The following TNIK variants were observed in gnomAD, a reference collection of about 807,000 sequenced individuals.
TNIK encodes the protein TRAF2 and NCK-interacting protein kinase.
TNIK carries 49 observed loss-of-function variants against 191.3 expected under a neutral mutation model. The ratio of observed to expected loss-of-function variants is 0.26; its 90% CI spans 0.20 to 0.32. The LOEUF is 0.32. Ranked by LOEUF, TNIK falls within the 10% of genes least tolerant of loss-of-function variation. The pLI is 1.00. For missense variants in TNIK, 1,155 were observed against 1,702.3 expected, an observed-to-expected ratio of 0.68 and a Z score of 5.66; for synonymous variants, 594 against 600.9, an observed-to-expected ratio of 0.99 and a Z score of 0.17.
intron 5 of TNIK, among the ~76,000 whole-genome samples, chr3:171,194,219 A>T (rs1341934194): frequency 6.6e-6 from 1 of 152,204 alleles, no homozygotes. Flanking sequence ...TATGATCTAA[A>T]ATCAGGTTTC....
intron 2 of TNIK, among the ~76,000 whole-genome samples, chr3:171,253,418 T>G (rs1746471905): frequency 6.6e-6 from 1 of 151,942 alleles, no homozygotes; most frequent in Admixed American, 6.6e-5. Flanking sequence ...ATTCTTTCAC[T>G]CTCACATATG....
At chr3:171,326,819 C>T (rs1415213588) in intron 2 of TNIK, among the ~76,000 whole-genome samples, 1 of 152,146 alleles carries the variant, frequency 6.6e-6, no homozygotes, top group African/African-American at 2.4e-5. Context: ...AGGATTTGTG[C>T]TACCATAGGA....
chr3:171,249,104 A>G (rs1336840524), intron 2 of TNIK, among the ~76,000 whole-genome samples: 2 of 152,232 alleles, frequency 1.3e-5, no homozygotes, highest in African/African-American at 4.8e-5. Flanking sequence ...GTATCTTTGC[A>G]TACTGTTTTC....
Position 171,418,760 on chromosome 3 carries a change from A to C in TNIK, c.57+41247T>G, listed in dbSNP as rs117662703. On this transcript the variant is annotated intron_variant, in intron 1 of 32. Transcript: ENST00000436636. ...TAAACAAGATTGGTATATCCATACA[A>C]TGGTATATTATTCAGCCATAAAAAA... is the stretch of plus-strand genomic sequence containing the variant. 3.7e-4 allele frequency among the ~76,000 whole-genome samples: 57 copies of C among 152,308 alleles called. No homozygotes were observed. In the East Asian group the frequency reaches 5.8e-3, roughly 15 times the overall value.
At chr3:171,106,564 G>A (rs1320931707) in intron 21 of TNIK, 2 of 442,578 alleles carry the variant, frequency 4.5e-6, no homozygotes, top group African/African-American at 4.1e-5. Context: ...ATTCATGCAG[G>A]TCTGACAAAT....
intron 1 of TNIK, among the ~76,000 whole-genome samples, chr3:171,459,696 A>ACACACACACACACACACACG (rs1231090310): frequency 6.6e-6 from 1 of 151,710 alleles, no homozygotes; most frequent in African/African-American, 2.4e-5. Flanking sequence ...ACACACACAC[A>ACACACACACACACACACACG]CACACACGCA....
chr3:171,152,252 G>A (rs1039573761), intron 12 of TNIK, among the ~76,000 whole-genome samples: 8 of 151,674 alleles, frequency 5.3e-5, no homozygotes, highest in Non-Finnish European at 8.8e-5. Context: ...CCTCCAACCT[G>A]GGTGACAGAG....
At chr3:171,269,225 G>C (rs1748788958) in intron 2 of TNIK, among the ~76,000 whole-genome samples, 1 of 150,172 alleles carries the variant, frequency 6.7e-6, no homozygotes, top group African/African-American at 2.5e-5. Context: ...AGAGTAGCTA[G>C]TATAATGCAG....
intron 1 of TNIK, among the ~76,000 whole-genome samples, chr3:171,381,799 T>C (rs938804675): frequency 1.3e-4 from 20 of 152,358 alleles, no homozygotes; most frequent in Middle Eastern, 3.4e-3. Context: ...AGGGTTCTTC[T>C]GTCTTCCTCC....
chr3:171,159,725 G>A lies in TNIK; in HGVS notation c.1016+1545C>T, dbSNP rs543262035. On this transcript the variant is annotated intron_variant, in intron 11 of 32. Coordinates refer to ENST00000436636, the MANE Select transcript of TNIK (RefSeq NM_015028.4). The surrounding 1 kb of genome is among the most constrained non-coding windows in gnomAD (Gnocchi z 4.1). ...TGTGTGACCTGGGTGCAACCCTTAG[G>A]CTGTCGCCTCATTTCTAAAATGAGA... Among the ~76,000 whole-genome samples the A allele has an allele frequency of 6.6e-6, 1 of 152,320 alleles. No homozygotes were observed. Among genetic ancestry groups the A allele is most frequent in the South Asian group, 2.1e-4 (1 of 4,826 alleles).
intron 1 of TNIK, among the ~76,000 whole-genome samples, chr3:171,394,981 G>A (rs890628736): frequency 1.3e-5 from 2 of 152,126 alleles, no homozygotes; most frequent in Non-Finnish European, 2.9e-5. Context: ...GCACATATTT[G>A]GTTTAATTTT....
At chr3:171,326,720 C>T (rs1436810401) in intron 2 of TNIK, among the ~76,000 whole-genome samples, 1 of 152,116 alleles carries the variant, frequency 6.6e-6, no homozygotes, top group Non-Finnish European at 1.5e-5. Flanking sequence ...GCAAATGCTT[C>T]TAGTCTGGAA....
intron 22 of TNIK, among the ~76,000 whole-genome samples, chr3:171,094,690 A>G (rs189483902): frequency 1.2e-4 from 18 of 151,910 alleles, no homozygotes; most frequent in Admixed American, 3.3e-4. Context: ...AGTTCTTTCC[A>G]CTCTGGCCTT....
intron 2 of TNIK, among the ~76,000 whole-genome samples, chr3:171,236,779 G>C (rs1422863039): frequency 6.6e-6 from 1 of 152,110 alleles, no homozygotes; most frequent in Non-Finnish European, 1.5e-5. Flanking sequence ...CCACCTCCTA[G>C]CTGCAGATAA....
chr3:171,103,651 C>T (rs965397493), intron 21 of TNIK, among the ~76,000 whole-genome samples: 7 of 152,080 alleles, frequency 4.6e-5, no homozygotes, highest in African/African-American at 1.7e-4. Context: ...TCAAAGAATA[C>T]AGCTAGCATT....
At chr3:171,154,303 T>C (rs565983310) in intron 12 of TNIK, among the ~76,000 whole-genome samples, 1 of 152,196 alleles carries the variant, frequency 6.6e-6, no homozygotes, top group South Asian at 2.1e-4. Context: ...AAAGTGTATA[T>C]TTTTTGGCCA....
chr3:171,422,268 A>G (rs1723907505), intron 1 of TNIK, among the ~76,000 whole-genome samples: 1 of 152,114 alleles, frequency 6.6e-6, no homozygotes, highest in Non-Finnish European at 1.5e-5. Context: ...AATGTTAAGT[A>G]AAATATAATA....
At chr3:171,237,183 C>T (rs144691283) in intron 2 of TNIK, among the ~76,000 whole-genome samples, 36 of 152,202 alleles carry the variant, frequency 2.4e-4, no homozygotes, top group East Asian at 1.9e-3. Flanking sequence ...TAACACAAAT[C>T]GGGACCCATT....
Position 171,327,900 on chromosome 3 carries a change from T to TAAAAA in TNIK, c.123+41715_123+41719dup, listed in dbSNP as rs71634497. Among the ~76,000 whole-genome samples, 223 of 79,598 alleles carry TAAAAA rather than the reference T, an allele frequency of 2.8e-3. 6 individuals carry two copies. The highest frequency in any genetic ancestry group is 7.5e-3 in the African/African-American group (184 of 24,438). 52.2% of individuals were successfully genotyped at this position (79,598 alleles called of 152,430 possible). A position where few individuals can be genotyped will look rare whatever the true frequency, so the allele number is the denominator to read the frequency against. ...ATCTGTGGCTCCCAAACCTGGCTCA[T>TAAAAA]AAAAAAAAAAAAAAAAAAAAAAAAA... On this transcript the variant is annotated intron_variant, in intron 2 of 32. Transcript: ENST00000436636.
Sources: allele counts gnomAD v4.1 joint callset (sites outside exome capture counted in the v4.1 genomes callset), GRCh38; gene constraint gnomAD v4.1.1; non-coding constraint Gnocchi (gnomAD v3.1); transcripts MANE v1.5; gene names NCBI Gene and HGNC (gene_info 2026-07-23, HGNC 2026-07-21).